CADM2: variants seen among roughly 807,000 people sequenced by gnomAD.
CADM2 encodes cell adhesion molecule 2.
A neutral mutation model predicts 49.8 loss-of-function variants in CADM2; 12 were observed. That is an observed-to-expected ratio of 0.24 (90% CI 0.15 to 0.39). The LOEUF is 0.39. CADM2 is among the 10% of genes least tolerant of loss of function. CADM2 has a pLI of 1.00. For synonymous variants in CADM2, 214 were observed against 175.4 expected (o/e 1.22, Z -1.74); for missense variants, 378 against 492.3 (o/e 0.77, Z 2.20).
chr3:85,753,660 A>G (rs758319782), intron 2 of CADM2, among the ~76,000 whole-genome samples: 1 of 152,180 alleles, frequency 6.6e-6, no homozygotes, highest in Non-Finnish European at 1.5e-5. Flanking sequence ...ATGACTAGGA[A>G]CAACATGAGC....
chr3:85,893,738 A>G (rs1158530365), intron 5 of CADM2, among the ~76,000 whole-genome samples: 1 of 152,254 alleles, frequency 6.6e-6, no homozygotes, highest in Non-Finnish European at 1.5e-5. Flanking sequence ...AAGAAGACAC[A>G]TGAAAAAATG....
intron 1 of CADM2, among the ~76,000 whole-genome samples, chr3:85,222,091 G>C (rs371717200): frequency 5.9e-5 from 9 of 152,024 alleles, no homozygotes; most frequent in Non-Finnish European, 1.3e-4. Context: ...GTTTTTTGTC[G>C]TCGTTTTTGT....
At chr3:86,038,741 C>T (rs75708213) in intron 8 of CADM2, among the ~76,000 whole-genome samples, 5,205 of 152,210 alleles carry the variant, frequency 0.034, 175 homozygotes, top group African/African-American at 0.083. Context: ...TCAAATAACT[C>T]TGCATTTTTC....
chr3:85,198,423 AT>A (rs770152477), intron 1 of CADM2, among the ~76,000 whole-genome samples: 1 of 148,624 alleles, frequency 6.7e-6, no homozygotes, highest in Non-Finnish European at 1.5e-5. Context: ...TTTACAACCC[AT>A]TTTACCTTTC....
At chr3:85,333,142 T>C (rs1486018726) in intron 1 of CADM2, among the ~76,000 whole-genome samples, 1 of 151,816 alleles carries the variant, frequency 6.6e-6, no homozygotes, top group Admixed American at 6.6e-5. Context: ...CACAGAATAG[T>C]GTCTTACAGT....
chr3:85,077,503 T>C (rs950740490), intron 1 of CADM2, among the ~76,000 whole-genome samples: 4 of 152,104 alleles, frequency 2.6e-5, no homozygotes, highest in African/African-American at 9.6e-5. Context: ...CTGAAAATCA[T>C]GGGTCATTCA....
At chr3:85,927,587 T>C (rs1720039662) in intron 6 of CADM2, among the ~76,000 whole-genome samples, 1 of 152,134 alleles carries the variant, frequency 6.6e-6, no homozygotes, top group South Asian at 2.1e-4. Context: ...ACAAATAAAA[T>C]TATCAATATT....
In CADM2 at chr3:85,357,031, T is replaced by C. The variant is rs181835644; in HGVS notation, c.62-369491T>C. Among the ~76,000 whole-genome samples the C allele has an allele frequency of 4.1e-4, 62 of 152,268 alleles. 1 individual carries two copies. Among genetic ancestry groups the C allele is most frequent in the African/African-American group, 1.4e-3 (60 of 41,574 alleles). ...ACAAGGCTACTAGAAGAATTTTTAT[T>C]TTTAATTTTATATTTACATTGAGAT... On this transcript the variant is annotated intron_variant, in intron 1 of 9. Transcript: ENST00000383699.
At chr3:85,140,075 C>G (rs915554031) in intron 1 of CADM2, among the ~76,000 whole-genome samples, 1 of 152,096 alleles carries the variant, frequency 6.6e-6, no homozygotes, top group African/African-American at 2.4e-5. Flanking sequence ...ATGCTATAAA[C>G]CAGGCTTGTA....
Position 86,067,146 on chromosome 3 carries a change from G to T in CADM2, c.*363G>T, listed in dbSNP as rs1404989825. 1 of 176,130 alleles carries T rather than the reference G, an allele frequency of 5.7e-6. No individual in the cohort carries two copies. Among genetic ancestry groups the T allele is most frequent in the African/African-American group, 2.4e-5 (1 of 41,822 alleles). 10.9% of individuals were successfully genotyped at this position (176,130 alleles called of 1,614,324 possible). A position where few individuals can be genotyped will look rare whatever the true frequency, so the allele number is the denominator to read the frequency against. On this transcript the variant is annotated 3_prime_UTR_variant, in exon 10 of 10. Coordinates refer to ENST00000383699, the MANE Select transcript of CADM2 (RefSeq NM_001167675.2). The stretch of plus-strand genomic sequence containing the variant: ...TTTTCCCCCATTTTTTCCCCTTTAA[G>T]TCATAGACCTTATCAGTTTGCCATT...
chr3:85,112,837 G>GA (rs569820317), intron 1 of CADM2, among the ~76,000 whole-genome samples: 10 of 151,012 alleles, frequency 6.6e-5, no homozygotes, highest in Admixed American at 2.0e-4. Flanking sequence ...AATTATAAAG[G>GA]AAAAAAATCA....
chr3:85,704,732 T>C (rs2066885250), intron 1 of CADM2, among the ~76,000 whole-genome samples: 1 of 152,146 alleles, frequency 6.6e-6, no homozygotes, highest in South Asian at 2.1e-4. Flanking sequence ...GGTATACCTA[T>C]ACTTGTATAG....
chr3:85,391,713 C>T (rs1188205763), intron 1 of CADM2, among the ~76,000 whole-genome samples: 1 of 152,066 alleles, frequency 6.6e-6, no homozygotes, highest in African/African-American at 2.4e-5. Flanking sequence ...TTCTTAGATA[C>T]AGATTTGTTA....
intron 1 of CADM2, among the ~76,000 whole-genome samples, chr3:85,005,089 T>C (rs1232933856): frequency 2.0e-5 from 3 of 152,176 alleles, no homozygotes; most frequent in African/African-American, 7.2e-5. Context: ...GCTACTTATA[T>C]TCCAATGCCC....
intron 1 of CADM2, among the ~76,000 whole-genome samples, chr3:85,452,933 G>A (rs9835441): frequency 0.25 from 37,560 of 151,874 alleles, 4,817 homozygotes; most frequent in South Asian, 0.34. Context: ...ACTTACAAAC[G>A]CACAGACACA....
intron 1 of CADM2, among the ~76,000 whole-genome samples, chr3:85,356,413 A>C (rs2031862927): frequency 6.6e-6 from 1 of 152,136 alleles, no homozygotes; most frequent in Admixed American, 6.6e-5. Flanking sequence ...GTTGCACAGA[A>C]TTCCAGGAGT....
chr3:85,370,780 A>G (rs190340393), intron 1 of CADM2, among the ~76,000 whole-genome samples: 78 of 152,224 alleles, frequency 5.1e-4, no homozygotes, highest in Admixed American at 4.3e-3. Context: ...GATTGTTATC[A>G]TAGAAGATAA....
intron 1 of CADM2, among the ~76,000 whole-genome samples, chr3:85,302,100 T>A (rs2044115425): frequency 6.6e-6 from 1 of 152,064 alleles, no homozygotes. Context: ...TGAATTACTT[T>A]GCTTTAAACT....
chr3:85,233,338 C>A (rs544669444), intron 1 of CADM2, among the ~76,000 whole-genome samples: 3 of 152,126 alleles, frequency 2.0e-5, no homozygotes, highest in Non-Finnish European at 4.4e-5. Context: ...TTTGTCAGAA[C>A]CCATAGGCCT....
Sources: allele counts gnomAD v4.1 joint callset (sites outside exome capture counted in the v4.1 genomes callset), GRCh38; gene constraint gnomAD v4.1.1; transcripts MANE v1.5; gene names NCBI Gene and HGNC (gene_info 2026-07-23, HGNC 2026-07-21).